The following GSE1 variants were observed in gnomAD, a reference collection of about 807,000 sequenced individuals.
GSE1 encodes the protein Gse1 coiled-coil protein, also known as genetic suppressor element 1.
In GSE1, 32 loss-of-function variants were observed where a neutral mutation model predicts 112.6. The ratio of observed to expected loss-of-function variants is 0.28; its 90% CI spans 0.21 to 0.38. The LOEUF (loss-of-function observed/expected upper bound fraction) is 0.38. Among genes scored for constraint, GSE1 ranks in the 10% least tolerant of loss-of-function variants. The pLI is 1.00. For missense variants in GSE1, 2,348 were observed against 1,699.2 expected, an observed-to-expected ratio of 1.38 and a Z score of -6.71; for synonymous variants, 1,115 against 735.6, an observed-to-expected ratio of 1.52 and a Z score of -8.35.
chr16:85,222,418 C>A (rs927380702), intron 1 of GSE1, among the ~76,000 whole-genome samples: 12 of 152,208 alleles, frequency 7.9e-5, no homozygotes, highest in African/African-American at 2.9e-4. Context: ...GGGGTCGGCA[C>A]ATTCCACTTG....
At chr16:85,574,536 G>A (rs964820148) in intron 1 of GSE1, among the ~76,000 whole-genome samples, 3 of 152,236 alleles carry the variant, frequency 2.0e-5, no homozygotes, top group Admixed American at 2.0e-4. Context: ...GGGTCAGAAA[G>A]CTACAGGAAG....
At chr16:85,249,517 G>A (rs1244056826) in intron 1 of GSE1, among the ~76,000 whole-genome samples, 5 of 152,182 alleles carry the variant, frequency 3.3e-5, no homozygotes, top group African/African-American at 9.7e-5. Flanking sequence ...TTCCGGGGGC[G>A]CGCCTCTCTC....
intron 1 of GSE1, among the ~76,000 whole-genome samples, chr16:85,190,307 A>G (rs1393062353): frequency 6.6e-6 from 1 of 152,250 alleles, no homozygotes; most frequent in Non-Finnish European, 1.5e-5. Context: ...GAACTACTTT[A>G]TCTCAGAATC....
At position 85,398,447 on chromosome 16, in the gene GSE1, T is replaced by C. The variant is rs149646322; in HGVS notation, c.2464+40804T>C. Among the ~76,000 whole-genome samples, 4 of 152,144 alleles carry C rather than the reference T, an allele frequency of 2.6e-5. No homozygotes were observed. In the East Asian group the frequency reaches 5.8e-4, roughly 22 times the overall value. ...GGTCCAGTACCGCCTGTCTGCTTGA[T>C]GTCTGTGGGTAAGTAGCTGTGCCCT... On this transcript the variant is annotated intron_variant, in intron 2 of 2. Coordinates refer to the GSE1 transcript ENST00000637419.
chr16:85,262,243 A>C (rs989301154), intron 1 of GSE1, among the ~76,000 whole-genome samples: 2 of 152,222 alleles, frequency 1.3e-5, no homozygotes, highest in African/African-American at 4.8e-5. Context: ...GTCAGAGGCA[A>C]TCTGCTTCCT....
intron 2 of GSE1, among the ~76,000 whole-genome samples, chr16:85,429,380 C>A (rs1465786406): frequency 6.6e-6 from 1 of 152,212 alleles, no homozygotes; most frequent in Non-Finnish European, 1.5e-5. Context: ...GCAGGAGTTG[C>A]GCTGCTGCCC....
intron 2 of GSE1, among the ~76,000 whole-genome samples, chr16:85,491,868 G>T (rs556096585): frequency 6.6e-6 from 1 of 152,194 alleles, no homozygotes; most frequent in Non-Finnish European, 1.5e-5. Flanking sequence ...GGTCAGCCAG[G>T]GGGTGGCTGT....
chr16:85,189,292 C>T (rs71386899), intron 1 of GSE1, among the ~76,000 whole-genome samples: 12,096 of 152,160 alleles, frequency 0.079, 688 homozygotes, highest in East Asian at 0.24. Context: ...TTCATGTTGT[C>T]TTCTGATTGA....
intron 2 of GSE1, among the ~76,000 whole-genome samples, chr16:85,492,371 C>A (rs992361119): frequency 1.3e-5 from 2 of 152,268 alleles, no homozygotes; most frequent in South Asian, 4.1e-4. Context: ...CCTCTCAAAT[C>A]GAATCCCCTC....
At chr16:85,357,827 G>C (rs902545441) in intron 2 of GSE1, among the ~76,000 whole-genome samples, 1 of 152,132 alleles carries the variant, frequency 6.6e-6, no homozygotes, top group Admixed American at 6.5e-5. Context: ...ATACTCCTTA[G>C]GGTTCCAAAA....
intron 2 of GSE1, among the ~76,000 whole-genome samples, chr16:85,483,354 G>A (rs575945920): frequency 6.6e-6 from 1 of 152,248 alleles, no homozygotes; most frequent in African/African-American, 2.4e-5. Flanking sequence ...ACGTGGAGTT[G>A]AGTCCCCTTC....
rs555050883 is a variant in GSE1 at position 85,674,377 on chromosome 16, C to T, written c.*1838C>T. The T allele has an allele frequency of 6.6e-6, 1 of 152,268 alleles. No individual in the cohort carries two copies. Among genetic ancestry groups the T allele is most frequent in the Admixed American group, 6.5e-5 (1 of 15,292 alleles). The allele number at this position is 152,268 out of a possible 1,614,324, so 9.4% of individuals were successfully genotyped here. ...TTATCAGCAGTCAACAAGCACCTTC[C>T]TCTCCACAGAAGCAGCTGGAAGAGA... On this transcript the variant is annotated 3_prime_UTR_variant, in exon 16 of 16. Transcript: ENST00000253458.
At chr16:85,488,736 T>A (rs1194922531) in intron 2 of GSE1, among the ~76,000 whole-genome samples, 1 of 152,134 alleles carries the variant, frequency 6.6e-6, no homozygotes, top group Non-Finnish European at 1.5e-5. Flanking sequence ...TGATGGAGAC[T>A]GGAGGAGGAC....
intron 1 of GSE1, among the ~76,000 whole-genome samples, chr16:85,565,936 A>G (rs955682711): frequency 2.0e-5 from 3 of 152,204 alleles, no homozygotes; most frequent in Non-Finnish European, 4.4e-5. Flanking sequence ...CTGAGGCTGC[A>G]GCGCTGCCTA....
At chr16:85,417,087 C>T (rs1033107395) in intron 2 of GSE1, among the ~76,000 whole-genome samples, 1 of 152,180 alleles carries the variant, frequency 6.6e-6, no homozygotes, top group Non-Finnish European at 1.5e-5. Flanking sequence ...AACTTATGGG[C>T]TCAATCGGTC....
At chr16:85,619,727 C>T (rs1315609868) in intron 1 of GSE1, among the ~76,000 whole-genome samples, 2 of 152,154 alleles carry the variant, frequency 1.3e-5, no homozygotes, top group South Asian at 2.1e-4. Context: ...GTGCGTCAGG[C>T]GTGGTGGGGG....
At chr16:85,628,714 C>T (rs973917300) in intron 1 of GSE1, among the ~76,000 whole-genome samples, 2 of 152,196 alleles carry the variant, frequency 1.3e-5, no homozygotes, top group African/African-American at 4.8e-5. Flanking sequence ...TTTTAAAAGC[C>T]TGGTTCACTG....
intron 1 of GSE1, among the ~76,000 whole-genome samples, chr16:85,231,075 GGGATGGAT>G (rs56002818): frequency 3.2e-5 from 4 of 123,874 alleles, no homozygotes; most frequent in South Asian, 6.1e-4. Context: ...GCTGGACAGA[GGGATGGAT>G]GGATGGATGG....
chr16:85,417,366 G>C (rs536459121), intron 2 of GSE1, among the ~76,000 whole-genome samples: 2 of 152,054 alleles, frequency 1.3e-5, no homozygotes, highest in African/African-American at 4.8e-5. Context: ...CACCTGCACA[G>C]CCTGTCAGGC....
Sources: allele counts gnomAD v4.1 joint callset (sites outside exome capture counted in the v4.1 genomes callset), GRCh38; gene constraint gnomAD v4.1.1; transcripts MANE v1.5; gene names NCBI Gene and HGNC (gene_info 2026-07-23, HGNC 2026-07-21).